The following LEPR variants were observed in gnomAD, a reference collection of about 807,000 sequenced individuals.
The protein encoded by LEPR is OB receptor.
Under a neutral mutation model 114.7 loss-of-function variants are expected in LEPR, and 56 were observed. The ratio of observed to expected loss-of-function variants is 0.49; its 90% CI spans 0.39 to 0.61. The LOEUF (loss-of-function observed/expected upper bound fraction) is 0.61, where lower values mean the gene tolerates loss of function less well. LEPR is among the 20% of genes least tolerant of loss of function. The pLI, the probability that LEPR is intolerant of heterozygous loss-of-function variation, is 0.00. For synonymous variants in LEPR, 443 were observed against 461.4 expected, an observed-to-expected ratio of 0.96 and a Z score of 0.51; for missense variants, 1,202 against 1,352.9, an observed-to-expected ratio of 0.89 and a Z score of 1.75.
chr1:65,609,890 C>T (rs1454581295), intron 12 of LEPR, 57 bp from the exon 13 acceptor site: 4 of 1,610,456 alleles, frequency 2.5e-6, no homozygotes, highest in Non-Finnish European at 3.4e-6. Context: ...ACTTCAGGGC[C>T]CTTTAGATAC....
intron 10 of LEPR, among the ~76,000 whole-genome samples, chr1:65,603,497 TTGCTAC>T (rs1352208326): frequency 6.6e-6 from 1 of 152,220 alleles, no homozygotes; most frequent in African/African-American, 2.4e-5. Context: ...GAAAGAGTAA[TTGCTAC>T]TTCAGCTATT....
At chr1:65,514,798 G>C (rs1482646154) in intron 2 of LEPR, among the ~76,000 whole-genome samples, 1 of 152,036 alleles carries the variant, frequency 6.6e-6, no homozygotes, top group Admixed American at 6.6e-5. Flanking sequence ...AGTAAAATTT[G>C]CCTTTTATAC....
chr1:65,474,045 A>G (rs1251606942), intron 2 of LEPR, among the ~76,000 whole-genome samples: 2 of 152,228 alleles, frequency 1.3e-5, no homozygotes, highest in African/African-American at 4.8e-5. Context: ...TTGTTGCTAA[A>G]AGTGATTGAA....
chr1:65,455,957 G>A (rs951211251), intron 2 of LEPR, among the ~76,000 whole-genome samples: 5 of 152,282 alleles, frequency 3.3e-5, no homozygotes, highest in Middle Eastern at 3.4e-3. Context: ...AGGACCCTCC[G>A]AGCCAGGTGC....
intron 5 of LEPR, among the ~76,000 whole-genome samples, chr1:65,575,415 T>C (rs1654514786): frequency 6.6e-6 from 1 of 151,170 alleles, no homozygotes; most frequent in South Asian, 2.1e-4. Flanking sequence ...TACAACTTCC[T>C]TATAACTTCA....
chr1:65,616,338 C>T, intron 15 of LEPR, 114 bp downstream of exon 15: 1 of 1,093,588 alleles, frequency 9.1e-7, no homozygotes, highest in Non-Finnish European at 1.3e-6. Context: ...ATCTGAAAGT[C>T]TCTCTTTCAC....
At chr1:65,538,792 C>T (rs976068107) in intron 2 of LEPR, among the ~76,000 whole-genome samples, 4 of 151,650 alleles carry the variant, frequency 2.6e-5, no homozygotes, top group African/African-American at 9.7e-5. Flanking sequence ...AGGAATGAAT[C>T]TGTTTCCATT....
At position 65,633,137 on chromosome 1, in the gene LEPR, A is replaced by T. The variant is rs759500075; in HGVS notation, c.2674-3054A>T. The T allele has an allele frequency of 6.5e-7, 1 of 1,539,498 alleles. No homozygotes were observed. Among genetic ancestry groups the T allele is most frequent in the South Asian group, 1.1e-5 (1 of 89,414 alleles). On this transcript the variant is annotated intron_variant, in intron 19 of 19. Transcript: ENST00000349533. The surrounding 1 kb of genome is among the most constrained non-coding windows in gnomAD (Gnocchi z 4.1). Reference sequence around the variant, plus strand: ...TTATTTTGCTTTCTTATTTTGTTTTATTTTATCTAAACAGAGAACGGACAT... The same window carrying T: ...TTATTTTGCTTTCTTATTTTGTTTTTTTTTATCTAAACAGAGAACGGACAT...
intron 2 of LEPR, among the ~76,000 whole-genome samples, chr1:65,480,708 AAG>A (rs537019524): frequency 9.9e-5 from 15 of 152,248 alleles, no homozygotes; most frequent in African/African-American, 3.1e-4. Context: ...CATTTTACAA[AAG>A]AGGAAAAAGA....
At chr1:65,459,222 G>A (rs1278077308) in intron 2 of LEPR, among the ~76,000 whole-genome samples, 1 of 152,182 alleles carries the variant, frequency 6.6e-6, no homozygotes, top group Non-Finnish European at 1.5e-5. Flanking sequence ...ATGTTGGCAG[G>A]CAGAGAATCA....
intron 19 of LEPR, chr1:65,626,332 T>A (rs2101025225): frequency 1.5e-6 from 2 of 1,331,752 alleles, no homozygotes; most frequent in East Asian, 5.7e-5. Context: ...GAAGAATTTT[T>A]ATAATACAGT....
At chr1:65,584,409 C>T (rs181040494) in intron 5 of LEPR, among the ~76,000 whole-genome samples, 114 of 152,124 alleles carry the variant, frequency 7.5e-4, no homozygotes, top group African/African-American at 2.7e-3. Context: ...ATCTATATAT[C>T]TATATATCTC....
intron 2 of LEPR, among the ~76,000 whole-genome samples, chr1:65,535,495 C>T (rs1319176784): frequency 1.3e-5 from 2 of 151,878 alleles, no homozygotes; most frequent in Non-Finnish European, 2.9e-5. Flanking sequence ...GTCCCCACTG[C>T]ATGCTACCAC....
chr1:65,566,788 T>G (rs1653794331), intron 3 of LEPR, among the ~76,000 whole-genome samples: 1 of 152,224 alleles, frequency 6.6e-6, no homozygotes, highest in Non-Finnish European at 1.5e-5. Flanking sequence ...TCTTCTAAGC[T>G]TCCCTATAGG....
chr1:65,593,687 A>G (rs1362688878), intron 6 of LEPR, among the ~76,000 whole-genome samples: 1 of 152,046 alleles, frequency 6.6e-6, no homozygotes, highest in Non-Finnish European at 1.5e-5. Flanking sequence ...GTTACTCGAG[A>G]TATAGCACTT....
At position 65,433,287 on chromosome 1, in the gene LEPR, A is replaced by G. The variant is rs1331105125; in HGVS notation, c.-21+7909A>G. ...AGTGGGTGAACTGCTTAATTTCACTACGTGTTGATGTACTTGTCTTCCGTC... is the reference window on the plus strand; with the variant it reads ...AGTGGGTGAACTGCTTAATTTCACTGCGTGTTGATGTACTTGTCTTCCGTC... On this transcript the variant is annotated intron_variant, in intron 2 of 19. Coordinates refer to ENST00000349533, the MANE Select transcript of LEPR (RefSeq NM_002303.6). 3 of 985,372 alleles carry G rather than the reference A, an allele frequency of 3.0e-6. No individual in the cohort carries two copies. In the East Asian group the frequency reaches 3.4e-4, roughly 112 times the overall value. 61.0% of individuals were successfully genotyped at this position (985,372 alleles called of 1,614,324 possible). A position where few individuals can be genotyped will look rare whatever the true frequency, so the allele number is the denominator to read the frequency against.
At chr1:65,424,073 C>T (rs1646308850) in intron 1 of LEPR, among the ~76,000 whole-genome samples, 1 of 152,140 alleles carries the variant, frequency 6.6e-6, no homozygotes, top group Non-Finnish European at 1.5e-5. Context: ...CAGATGGTGG[C>T]AGAGTTAAGA....
At chr1:65,495,300 C>G (rs1162349778) in intron 2 of LEPR, among the ~76,000 whole-genome samples, 1 of 152,118 alleles carries the variant, frequency 6.6e-6, no homozygotes, top group Non-Finnish European at 1.5e-5. Context: ...AAGAAAAATG[C>G]TAATATCTCT....
At chr1:65,611,606 A>G (rs959265631) in intron 14 of LEPR, among the ~76,000 whole-genome samples, 1 of 152,162 alleles carries the variant, frequency 6.6e-6, no homozygotes, top group Non-Finnish European at 1.5e-5. Flanking sequence ...CCTTTGGCCT[A>G]GGCTACAGCT....
Sources: allele counts gnomAD v4.1 joint callset (sites outside exome capture counted in the v4.1 genomes callset), GRCh38; gene constraint gnomAD v4.1.1; non-coding constraint Gnocchi (gnomAD v3.1); transcripts MANE v1.5; gene names NCBI Gene and HGNC (gene_info 2026-07-23, HGNC 2026-07-21).